Variants in NXPH1 observed in about 807,000 individuals in gnomAD.
The protein encoded by NXPH1 is neurexophilin-1.
Under a neutral mutation model 23.7 loss-of-function variants are expected in NXPH1, and 5 were observed. The observed-to-expected ratio is 0.21, with a 90% CI of 0.11 to 0.44. The LOEUF is 0.44. NXPH1 is among the 20% of genes least tolerant of loss of function. The pLI is 0.99. For missense variants in NXPH1, 324 were observed against 321.6 expected (o/e 1.01, Z -0.06); for synonymous variants, 144 against 122.2 (o/e 1.18, Z -1.18).
intron 2 of NXPH1, among the ~76,000 whole-genome samples, chr7:8,607,363 T>C (rs558380272): frequency 3.2e-4 from 49 of 152,308 alleles, no homozygotes; most frequent in Non-Finnish European, 6.0e-4. Context: ...ATACTTTTCT[T>C]GGATCGTGTC....
chr7:8,653,539 T>G lies in NXPH1; in HGVS notation c.55-97469T>G, dbSNP rs1185374505. On this transcript the variant is annotated intron_variant, in intron 2 of 2. Transcript: ENST00000405863. Reference sequence around the variant, plus strand: ...GTATATATGTAATCATCCAATCTTTTGGCTTTTAGTTCTGGTTTCCCATAA... The same window carrying G: ...GTATATATGTAATCATCCAATCTTTGGGCTTTTAGTTCTGGTTTCCCATAA... Among the ~76,000 whole-genome samples, 4 of 152,244 alleles carry G rather than the reference T, an allele frequency of 2.6e-5. 1 individual carries two copies. The highest frequency in any genetic ancestry group is 5.9e-5 in the Non-Finnish European group (4 of 68,044).
intron 2 of NXPH1, among the ~76,000 whole-genome samples, chr7:8,659,816 C>G (rs544196233): frequency 4.6e-5 from 7 of 152,230 alleles, no homozygotes; most frequent in African/African-American, 1.7e-4. Context: ...TCTGTCAACT[C>G]AAATTATTGT....
At chr7:8,722,531 G>C (rs1355784883) in intron 2 of NXPH1, among the ~76,000 whole-genome samples, 1 of 152,200 alleles carries the variant, frequency 6.6e-6, no homozygotes, top group East Asian at 1.9e-4. Context: ...AGGTGTAATT[G>C]CAATAGACTA....
At chr7:8,560,023 T>C (rs964139476) in intron 2 of NXPH1, among the ~76,000 whole-genome samples, 28 of 151,698 alleles carry the variant, frequency 1.8e-4, no homozygotes, top group Admixed American at 1.6e-3. Context: ...CTTTAGGCAT[T>C]ATTTATGAAG....
In NXPH1 at chr7:8,735,671, T is replaced by A. The variant is rs189343255; in HGVS notation, c.55-15337T>A. 3.3e-5 allele frequency among the ~76,000 whole-genome samples: 5 copies of A among 152,320 alleles called. No individual in the cohort carries two copies. The East Asian group carries it at 9.7e-4, about 29-fold the overall frequency. ...CCTCATAAAATGAGTTAGGGAGGAC[T>A]CCCTCTTTTTCTGTTGTTTGGAATC... is the stretch of plus-strand genomic sequence containing the variant. On this transcript the variant is annotated intron_variant, in intron 2 of 2. Coordinates refer to ENST00000405863, the MANE Select transcript of NXPH1 (RefSeq NM_152745.3).
chr7:8,587,294 C>T (rs963012566), intron 2 of NXPH1, among the ~76,000 whole-genome samples: 1 of 147,286 alleles, frequency 6.8e-6, no homozygotes, highest in Admixed American at 6.8e-5. Flanking sequence ...GATTTTTAAA[C>T]TTTTTTTTTT....
chr7:8,592,281 C>A (rs1056829984), intron 2 of NXPH1, among the ~76,000 whole-genome samples: 13 of 151,908 alleles, frequency 8.6e-5, no homozygotes, highest in Non-Finnish European at 1.5e-5. Flanking sequence ...AATTCAGTCA[C>A]CATCTGTTCA....
intron 2 of NXPH1, among the ~76,000 whole-genome samples, chr7:8,675,999 C>A (rs1820945479): frequency 6.6e-6 from 1 of 152,214 alleles, no homozygotes; most frequent in Non-Finnish European, 1.5e-5. Context: ...ACTAACAAAT[C>A]TCTAGGGATA....
At chr7:8,739,466 A>T (rs1004071452) in intron 2 of NXPH1, among the ~76,000 whole-genome samples, 2 of 151,942 alleles carry the variant, frequency 1.3e-5, no homozygotes, top group African/African-American at 4.8e-5. Flanking sequence ...ATTGCCTTCC[A>T]TGGGCTGCAC....
At chr7:8,556,296 C>A (rs1329766092) in intron 2 of NXPH1, among the ~76,000 whole-genome samples, 1 of 151,676 alleles carries the variant, frequency 6.6e-6, no homozygotes, top group African/African-American at 2.4e-5. Context: ...AGTCATCTGC[C>A]ATTTAGCAGG....
intron 2 of NXPH1, among the ~76,000 whole-genome samples, chr7:8,720,791 G>T (rs1779958391): frequency 6.6e-6 from 1 of 152,118 alleles, no homozygotes; most frequent in Non-Finnish European, 1.5e-5. Context: ...TCAAACCAAG[G>T]AATTCCGTTT....
chr7:8,675,420 A>G (rs1820936725), intron 2 of NXPH1, among the ~76,000 whole-genome samples: 1 of 152,152 alleles, frequency 6.6e-6, no homozygotes, highest in Non-Finnish European at 1.5e-5. Flanking sequence ...TTGATATACA[A>G]TGTACTTCAT....
At chr7:8,704,514 C>T (rs1779673586) in intron 2 of NXPH1, among the ~76,000 whole-genome samples, 1 of 152,136 alleles carries the variant, frequency 6.6e-6, no homozygotes, top group Middle Eastern at 3.2e-3. Flanking sequence ...GTGGGAGATG[C>T]TGCCAATGAG....
rs540056222 is a variant in NXPH1, at chr7:8,678,928, A to ATTTTTTTTTTT, written c.55-72055_55-72045dup. On this transcript the variant is annotated intron_variant, in intron 2 of 2. Coordinates refer to ENST00000405863, the MANE Select transcript of NXPH1 (RefSeq NM_152745.3). ...TCTAGATTTATCTTTGCTTTATCCAATTTTTTTTTTTTTTTTTTTTTTTTT... is the reference window on the plus strand; with the variant it reads ...TCTAGATTTATCTTTGCTTTATCCAATTTTTTTTTTTTTTTTTTTTTTTTTTTTTTTTTTTT... 3.9e-3 allele frequency among the ~76,000 whole-genome samples: 271 copies of ATTTTTTTTTTT among 68,778 alleles called. 23 individuals carry two copies. Among genetic ancestry groups the ATTTTTTTTTTT allele is most frequent in the African/African-American group, 5.2e-3 (70 of 13,552 alleles). 45.1% of individuals were successfully genotyped at this position (68,778 alleles called of 152,430 possible).
intron 2 of NXPH1, among the ~76,000 whole-genome samples, chr7:8,675,216 C>G (rs891408153): frequency 1.3e-5 from 2 of 151,884 alleles, no homozygotes; most frequent in African/African-American, 4.8e-5. Context: ...TTCTTTATCT[C>G]TAAAATGGGA....
At chr7:8,719,834 A>G (rs1031888973) in intron 2 of NXPH1, among the ~76,000 whole-genome samples, 1 of 152,144 alleles carries the variant, frequency 6.6e-6, no homozygotes, top group Non-Finnish European at 1.5e-5. Context: ...ATTAATGAGT[A>G]AAAATAAAAT....
At chr7:8,686,745 C>T (rs1280938029) in intron 2 of NXPH1, among the ~76,000 whole-genome samples, 14 of 151,982 alleles carry the variant, frequency 9.2e-5, no homozygotes, top group Admixed American at 9.2e-4. Context: ...CTTTAAAATG[C>T]CATGTGTGGA....
chr7:8,636,108 C>T (rs369463007), intron 2 of NXPH1, among the ~76,000 whole-genome samples: 17 of 152,028 alleles, frequency 1.1e-4, no homozygotes, highest in African/African-American at 1.9e-4. Flanking sequence ...TATCGTTTTC[C>T]GCCTAATTGT....
At chr7:8,603,420 G>C (rs988110856) in intron 2 of NXPH1, among the ~76,000 whole-genome samples, 1 of 151,820 alleles carries the variant, frequency 6.6e-6, no homozygotes, top group Non-Finnish European at 1.5e-5. Flanking sequence ...TTTTGTTTTT[G>C]TTTTTTTGCT....
Sources: gnomAD v4.1 joint callset for allele counts (sites outside exome capture counted in the v4.1 genomes callset) on GRCh38, gnomAD v4.1.1 for gene constraint, MANE v1.5 for transcripts, NCBI Gene and HGNC (gene_info 2026-07-23, HGNC 2026-07-21) for gene names.